The following UBE3A variants were observed in gnomAD, a reference collection of about 807,000 sequenced individuals.
The protein encoded by UBE3A is ubiquitin-protein ligase E3A.
Under a neutral mutation model 83.4 loss-of-function variants are expected in UBE3A, and 6 were observed. The ratio of observed to expected loss-of-function variants is 0.07; its 90% CI spans 0.04 to 0.14. The LOEUF (loss-of-function observed/expected upper bound fraction) is 0.14. Among genes scored for constraint, UBE3A ranks in the 10% least tolerant of loss-of-function variants. The probability of loss-of-function intolerance (pLI) is 1.00; values close to 1 mark genes in which losing one functional copy is unlikely to be tolerated. For missense variants in UBE3A, 456 were observed against 1,036.1 expected (o/e 0.44, Z 7.69); for synonymous variants, 337 against 355.4 (o/e 0.95, Z 0.58).
At chr15:25,352,411 G>A (rs951462320) in intron 11 of UBE3A, among the ~76,000 whole-genome samples, 3 of 152,188 alleles carry the variant, frequency 2.0e-5, no homozygotes, top group South Asian at 2.1e-4. Context: ...GATTATGGCA[G>A]TAAAGTGAGT....
intron 1 of UBE3A, among the ~76,000 whole-genome samples, chr15:25,430,763 A>G (rs1459736336): frequency 6.6e-6 from 1 of 152,168 alleles, no homozygotes; most frequent in African/African-American, 2.4e-5. Context: ...TTTTCTTATA[A>G]TCTTCAATCC....
At chr15:25,340,727 A>G (rs1046640215) in intron 11 of UBE3A, among the ~76,000 whole-genome samples, 2 of 152,098 alleles carry the variant, frequency 1.3e-5, no homozygotes, top group Non-Finnish European at 2.9e-5. Flanking sequence ...AGAAAAAAAG[A>G]CCCCCTGCCC....
At chr15:25,381,563 C>G (rs1421447356) in intron 4 of UBE3A, among the ~76,000 whole-genome samples, 4 of 152,002 alleles carry the variant, frequency 2.6e-5, no homozygotes, top group Non-Finnish European at 5.9e-5. Context: ...GAAGGTAAAG[C>G]AGAATGAACA....
chr15:25,364,925 T>C (rs1489526906), intron 6 of UBE3A, among the ~76,000 whole-genome samples: 4 of 151,810 alleles, frequency 2.6e-5, no homozygotes, highest in Admixed American at 6.6e-5. Flanking sequence ...GGATTACAGG[T>C]GTGAGCCACC....
rs571705088 is a variant in UBE3A, at chr15:25,432,241, T to C, written c.-165+6248A>G. Reference sequence around the variant, plus strand: ...TGTCCATAGTGAATACATGGTGCTTTATTGTTTTCAGTATTTCTATATTTA... The same window carrying C: ...TGTCCATAGTGAATACATGGTGCTTCATTGTTTTCAGTATTTCTATATTTA... On this transcript the variant is annotated intron_variant, in intron 1 of 12. Transcript: ENST00000648336. Among the ~76,000 whole-genome samples the C allele has an allele frequency of 3.3e-5, 5 of 152,330 alleles. No individual in the cohort carries two copies. The South Asian group carries it at 8.3e-4, about 25-fold the overall frequency.
intron 4 of UBE3A, among the ~76,000 whole-genome samples, chr15:25,389,478 T>C (rs1036386923): frequency 6.6e-6 from 1 of 152,210 alleles, no homozygotes; most frequent in Non-Finnish European, 1.5e-5. Context: ...ATTAAAATTG[T>C]CTACTTGTTT....
At position 25,354,617 on chromosome 15, in the gene UBE3A, G is replaced by A. The variant is rs1315028308; in HGVS notation, c.2191C>T (p.Arg731Trp). Residue 731 changes from arginine to tryptophan, a missense_variant, in exon 10 of 13, where the codon CGG (arginine) becomes TGG (tryptophan). Transcript: ENST00000648336. ...TTGGTCACCATATGAAAACCTCTCCGAAAAGCCTTGAACTGTTTTTCTACT... is the reference window on the plus strand; with the variant it reads ...TTGGTCACCATATGAAAACCTCTCCAAAAAGCCTTGAACTGTTTTTCTACT... Reference protein sequence around the residue: ...KSVEKQFKAFRRGFHMVTNES... With the variant: ...KSVEKQFKAFWRGFHMVTNES... The A allele has an allele frequency of 1.9e-6, 3 of 1,613,652 alleles. No homozygotes were observed. Among genetic ancestry groups the A allele is most frequent in the East Asian group, 2.2e-5 (1 of 44,832 alleles).
chr15:25,430,058 T>TATTATATATATATAATACATATATATAAG (rs1449513313), intron 1 of UBE3A, among the ~76,000 whole-genome samples: 2 of 107,890 alleles, frequency 1.9e-5, no homozygotes, highest in Non-Finnish European at 3.4e-5. Context: ...TATTTATATG[T>TATTATATATATATAATACATATATATAAG]ATTATATATA....
intron 2 of UBE3A, among the ~76,000 whole-genome samples, chr15:25,410,970 CA>C (rs1055912605): frequency 3.3e-5 from 5 of 152,130 alleles, no homozygotes; most frequent in African/African-American, 1.2e-4. Context: ...CTTGTAAACA[CA>C]AAAATAATAA....
At chr15:25,408,842 G>C (rs1232613131) in intron 3 of UBE3A, 4 of 796,960 alleles carry the variant, frequency 5.0e-6, no homozygotes, top group African/African-American at 3.5e-5. Context: ...TTAAAACCTT[G>C]AAGTTTTTTT....
chr15:25,342,086 C>T (rs185688391), intron 11 of UBE3A, among the ~76,000 whole-genome samples: 1 of 152,176 alleles, frequency 6.6e-6, no homozygotes, highest in African/African-American at 2.4e-5. Context: ...ATGAAACTTG[C>T]AGGAGCATCT....
Position 25,370,417 on chromosome 15 carries a change from C to A in UBE3A, c.1608+149G>T. On this transcript the variant is annotated intron_variant, in intron 6 of 12. Transcript: ENST00000648336. This position sits in a 1 kb window ranked among gnomAD's most constrained non-coding sequence, Gnocchi z 4.2. ...CATCTATAAACTTGCACAGGAACAA[C>A]AAAAGTATAATACTTATATAAGATC... The A allele has an allele frequency of 3.1e-6, 3 of 955,216 alleles. No individual in the cohort carries two copies. The highest frequency in any genetic ancestry group is 1.5e-5 in the South Asian group (1 of 66,586). The allele number at this position is 955,216 out of a possible 1,614,324, so 59.2% of individuals were successfully genotyped here.
At chr15:25,357,831 G>A (rs895833590) in intron 7 of UBE3A, among the ~76,000 whole-genome samples, 2 of 150,362 alleles carry the variant, frequency 1.3e-5, no homozygotes, top group Non-Finnish European at 3.0e-5. Context: ...GGGCCAATAC[G>A]TAAAAGAAAA....
intron 2 of UBE3A, 117 bp from the exon 3 acceptor site, chr15:25,409,324 G>T: frequency 2.3e-6 from 1 of 431,160 alleles, no homozygotes; most frequent in African/African-American, 2.0e-5. Context: ...CATCAGAAGA[G>T]TAATTATTAT....
At chr15:25,361,328 G>A (rs868452419) in intron 6 of UBE3A, among the ~76,000 whole-genome samples, 5 of 151,902 alleles carry the variant, frequency 3.3e-5, no homozygotes, top group Admixed American at 6.6e-5. Flanking sequence ...GTTTCACTAC[G>A]TTTGCCAGGA....
At chr15:25,340,026 T>A in intron 12 of UBE3A, 59 bp downstream of exon 12, 3 of 1,600,342 alleles carry the variant, frequency 1.9e-6, no homozygotes, top group African/African-American at 1.3e-5. Flanking sequence ...TTCATATGTA[T>A]GTGACGAGGA....
intron 11 of UBE3A, among the ~76,000 whole-genome samples, chr15:25,351,489 A>AGAT (rs1014174745): frequency 6.6e-6 from 1 of 152,164 alleles, no homozygotes; most frequent in African/African-American, 2.4e-5. Context: ...CGTTTTTTTG[A>AGAT]GATGGAATCT....
At position 25,360,472 on chromosome 15, in the gene UBE3A, T is replaced by A; in HGVS notation, c.1664A>T (p.Glu555Val). ...PADLKKQLYV[E>V]FEGEQGVDEG... ...ATCAACTCCTTGTTCTCCTTCAAAT[T>A]CCACATACAACTGCTTCTTCAAGTC... Residue 555 changes from glutamate (E) to valine (V), a missense_variant, in exon 7 of 13, where the codon GAA becomes GTA. This residue lies in a region of UBE3A where 58 missense variants were observed against 237.1 expected (regional missense o/e 0.24). Coordinates refer to ENST00000648336, the MANE Select transcript of UBE3A (RefSeq NM_130839.5). The A allele has an allele frequency of 6.2e-7, 1 of 1,613,858 alleles. No individual in the cohort carries two copies. The highest frequency in any genetic ancestry group is 8.5e-7 in the Non-Finnish European group (1 of 1,179,910).
At chr15:25,434,965 TACATACACAC>T (rs1409889554) in intron 1 of UBE3A, among the ~76,000 whole-genome samples, 1 of 20,360 alleles carries the variant, frequency 4.9e-5, no homozygotes, top group Non-Finnish European at 1.3e-4. Context: ...AAATTCTATA[TACATACACAC>T]ACACACACAC....
Sources: allele counts gnomAD v4.1 joint callset (sites outside exome capture counted in the v4.1 genomes callset), GRCh38; gene constraint gnomAD v4.1.1; regional missense constraint gnomAD v4.1.1; non-coding constraint Gnocchi (gnomAD v3.1); transcripts MANE v1.5; gene names NCBI Gene and HGNC (gene_info 2026-07-23, HGNC 2026-07-21).